Variants in C2CD4B observed in about 807,000 individuals in gnomAD.
C2CD4B encodes C2 calcium-dependent domain-containing protein 4B.
For missense variants in C2CD4B, 644 were observed against 577.7 expected (o/e 1.11, Z -1.18); for synonymous variants, 347 against 284.9 (o/e 1.22, Z -2.20).
Position 62,164,979 on chromosome 15 carries a change from C to T in C2CD4B, c.6G>A (p.Arg2=). 2.0e-6 allele frequency: 3 copies of T among 1,518,628 alleles called. No homozygotes were observed. Among genetic ancestry groups the T allele is most frequent in the South Asian group, 1.2e-5 (1 of 82,090 alleles). 94.1% of individuals were successfully genotyped at this position (1,518,628 alleles called of 1,614,324 possible). A position where few individuals can be genotyped will look rare whatever the true frequency, so the allele number is the denominator to read the frequency against. Residue 2 remains arginine, a synonymous_variant, in exon 2 of 2, where the codon CGG becomes CGA. Coordinates refer to ENST00000380392, the MANE Select transcript of C2CD4B (RefSeq NM_001007595.3). ...CCGAGGAACAGAGTTTCTCGAGGAG[C>T]CGCATCCTTGGAGGCTGGGGCTAGG... The part of the protein sequence containing the change: M[R]LLEKLCSSAA...
At position 62,163,985 on chromosome 15, in the gene C2CD4B, C is replaced by A; in HGVS notation, c.1000G>T (p.Val334Phe). The change falls in exon 2 of 2, where the codon GTT becomes TTT. Residue 334 changes from valine to phenylalanine, a missense_variant. By Grantham distance (50) the Val-to-Phe change is conservative (BLOSUM62 -1). Transcript: ENST00000380392. ...LSEDEVRRLA[V>F]RVKARDEGRG... ...CCCTCATCCCGGGCCTTGACGCGAA[C>A]GGCCAGGCGGCGCACCTCGTCTTCC... is the stretch of plus-strand genomic sequence containing the variant. The A allele has an allele frequency of 6.3e-7, 1 of 1,599,130 alleles. No homozygotes were observed. Among genetic ancestry groups the A allele is most frequent in the South Asian group, 1.1e-5 (1 of 88,770 alleles).
At position 62,164,950 on chromosome 15, in the gene C2CD4B, G is replaced by T. The variant is rs941434073; in HGVS notation, c.35C>A (p.Ala12Glu). ...GGCGGGCTTCGGCGCGGAGCTGCCT[G>T]CGGCCGAGGAACAGAGTTTCTCGAG... ...RLLEKLCSSAAGSSAPKPAFA... is the reference protein window; with the variant it reads ...RLLEKLCSSAEGSSAPKPAFA... Residue 12 changes from alanine (A) to glutamate (E), a missense_variant, in exon 2 of 2, where the codon GCA (alanine) becomes GAA (glutamate). Coordinates refer to ENST00000380392, the MANE Select transcript of C2CD4B (RefSeq NM_001007595.3). 8 of 1,529,374 alleles carry T rather than the reference G, an allele frequency of 5.2e-6. 1 individual carries two copies. Among genetic ancestry groups the T allele is most frequent in the Middle Eastern group, 2.3e-4 (1 of 4,356 alleles). The allele number at this position is 1,529,374 out of a possible 1,614,324, so 94.7% of individuals were successfully genotyped here.
rs1159596405 is a variant in C2CD4B at position 62,164,889 on chromosome 15, T to A, written c.96A>T (p.Glu32Asp). The A allele has an allele frequency of 6.5e-7, 1 of 1,527,080 alleles. No individual in the cohort carries two copies. The highest frequency in any genetic ancestry group is 1.2e-5 in the South Asian group (1 of 82,972). The allele number at this position is 1,527,080 out of a possible 1,614,324, so 94.6% of individuals were successfully genotyped here. A position where few individuals can be genotyped will look rare whatever the true frequency, so the allele number is the denominator to read the frequency against. Residue 32 changes from glutamate (E) to aspartate (D), a missense_variant, in exon 2 of 2, where the codon GAA becomes GAT. By Grantham distance (45) the Glu-to-Asp change is conservative (BLOSUM62 2). Coordinates refer to ENST00000380392, the MANE Select transcript of C2CD4B (RefSeq NM_001007595.3). ...CCGGCAGCCGCGGCGGGATGCAGAA[T>A]TCGGGGATGCGATTCGGCGTGAGCA... Reference protein sequence around the residue: ...AKVLTPNRIPEFCIPPRLPAP... With the variant: ...AKVLTPNRIPDFCIPPRLPAP...
chr15:62,164,193 A>C lies in C2CD4B; in HGVS notation c.792T>G (p.Arg264=). 6.8e-7 allele frequency: 1 copy of C among 1,476,964 alleles called. No homozygotes were observed. The highest frequency in any genetic ancestry group is 2.3e-4 in the Middle Eastern group (1 of 4,398). The allele number at this position is 1,476,964 out of a possible 1,614,324, so 91.5% of individuals were successfully genotyped here. A position where few individuals can be genotyped will look rare whatever the true frequency, so the allele number is the denominator to read the frequency against. ...LAAEYCPGTR[R]LRLRLLRAES... Reference sequence around the variant, plus strand: ...CCGCGCGGAGCAGCCGGAGGCGGAGACGCCGGGTTCCCGGACAGTACTCAG... The same window carrying C: ...CCGCGCGGAGCAGCCGGAGGCGGAGCCGCCGGGTTCCCGGACAGTACTCAG... Residue 264 remains arginine (R), a synonymous_variant, in exon 2 of 2, where the codon CGT becomes CGG. Coordinates refer to ENST00000380392, the MANE Select transcript of C2CD4B (RefSeq NM_001007595.3).
At position 62,163,631 on chromosome 15, in the gene C2CD4B, C is replaced by A. The variant is rs1162909156; in HGVS notation, c.*259G>T. ...ATGCAGATGGGTGTACTTCCTTTCT[C>A]TCCCAGTCCCAAGCCAACCCATTTT... On this transcript the variant is annotated 3_prime_UTR_variant, in exon 2 of 2. Coordinates refer to ENST00000380392, the MANE Select transcript of C2CD4B (RefSeq NM_001007595.3). The A allele has an allele frequency of 9.8e-6, 4 of 410,204 alleles. No individual in the cohort carries two copies. Among genetic ancestry groups the A allele is most frequent in the African/African-American group, 8.2e-5 (4 of 48,780 alleles). The allele number at this position is 410,204 out of a possible 1,614,324, so 25.4% of individuals were successfully genotyped here. A position where few individuals can be genotyped will look rare whatever the true frequency, so the allele number is the denominator to read the frequency against.
chr15:62,165,028 C>T lies in C2CD4B; in HGVS notation c.-40-4G>A, dbSNP rs137863701. The T allele has an allele frequency of 3.2e-3, 4,669 of 1,463,684 alleles. 93 individuals carry two copies. In the East Asian group the frequency reaches 0.063, roughly 20 times the overall value. 90.7% of individuals were successfully genotyped at this position (1,463,684 alleles called of 1,614,324 possible). ...GGAGTGGCGGGAAGAGGTGCGCCTG[C>T]GGGGGAGAGAAGCTGCTGAGTTTGG... On this transcript the variant is annotated splice_region_variant and splice_polypyrimidine_tract_variant and intron_variant, in intron 1 of 1. Transcript: ENST00000380392.
At position 62,164,124 on chromosome 15, in the gene C2CD4B, G is replaced by A. The variant is rs769337077; in HGVS notation, c.861C>T (p.Cys287=). Residue 287 remains cysteine, a synonymous_variant, in exon 2 of 2, where the codon TGC becomes TGT. Coordinates refer to ENST00000380392, the MANE Select transcript of C2CD4B (RefSeq NM_001007595.3). The part of the protein sequence containing the change: ...GGAPGPRAVR[C]RLSLVLRPPG... ...GCGGCCGCAGGACGAGGCTGAGGCG[G>A]CAGCGGACGGCGCGGGGCCCGGGGG... The A allele has an allele frequency of 6.8e-7, 1 of 1,472,618 alleles. No homozygotes were observed. The highest frequency in any genetic ancestry group is 2.8e-5 in the East Asian group (1 of 35,752). 91.2% of individuals were successfully genotyped at this position (1,472,618 alleles called of 1,614,324 possible).
Position 62,165,229 on chromosome 15 carries a change from G to A in C2CD4B, c.-75C>T, listed in dbSNP as rs568431032. On this transcript the variant is annotated 5_prime_UTR_variant, in exon 1 of 2. Transcript: ENST00000380392. Reference sequence around the variant, plus strand: ...TTCTTCAGTGTCTCTGGATCTGGTTGCAAGCTCAGTGCCAGTGGCCTCTAG... The same window carrying A: ...TTCTTCAGTGTCTCTGGATCTGGTTACAAGCTCAGTGCCAGTGGCCTCTAG... 157 of 475,768 alleles carry A rather than the reference G, an allele frequency of 3.3e-4. No individual in the cohort carries two copies. The East Asian group carries it at 5.4e-3, about 16-fold the overall frequency. The allele number at this position is 475,768 out of a possible 1,614,324, so 29.5% of individuals were successfully genotyped here.
Position 62,164,522 on chromosome 15 carries a change from C to CG in C2CD4B, c.462dup (p.Ala155ArgfsTer81). 8.7e-7 allele frequency: 1 copy of CG among 1,150,548 alleles called. No homozygotes were observed. The highest frequency in any genetic ancestry group is 4.8e-5 in the Admixed American group (1 of 20,818). 71.3% of individuals were successfully genotyped at this position (1,150,548 alleles called of 1,614,324 possible). On this transcript the variant is annotated frameshift_variant, in exon 2 of 2. Transcript: ENST00000380392. LOFTEE classifies it low-confidence loss of function (END_TRUNC). ...GGCAGGCGGGGACCGCCGGGGGCCG[C>CG]GGGGGTGGCCGGGCCCGGACCTCGC...
Position 62,163,973 on chromosome 15 carries a change from C to A in C2CD4B, c.1012G>T (p.Ala338Ser). The change falls in exon 2 of 2, where the codon GCC (alanine) becomes TCC (serine). Residue 338 changes from alanine to serine, a missense_variant. By Grantham distance (99) the Ala-to-Ser change is moderately conservative (BLOSUM62 1). Transcript: ENST00000380392. Reference sequence around the variant, plus strand: ...TCCCGGCCGCGACCCTCATCCCGGGCCTTGACGCGAACGGCCAGGCGGCGC... The same window carrying A: ...TCCCGGCCGCGACCCTCATCCCGGGACTTGACGCGAACGGCCAGGCGGCGC... ...EVRRLAVRVK[A>S]RDEGRGRDRG... The A allele has an allele frequency of 1.3e-6, 2 of 1,595,706 alleles. No individual in the cohort carries two copies. The highest frequency in any genetic ancestry group is 1.3e-5 in the African/African-American group (1 of 74,688).
Position 62,164,019 on chromosome 15 carries a change from G to T in C2CD4B, c.966C>A (p.Asp322Glu). The change falls in exon 2 of 2, where the codon GAC (aspartate) becomes GAA (glutamate). Residue 322 changes from aspartate (D) to glutamate (E), a missense_variant. Coordinates refer to ENST00000380392, the MANE Select transcript of C2CD4B (RefSeq NM_001007595.3). Reference protein sequence around the residue: ...KASFDQDFCFDGLSEDEVRRL... With the variant: ...KASFDQDFCFEGLSEDEVRRL... ...GGCGCACCTCGTCTTCCGAGAGGCCGTCGAAGCAAAAGTCCTGGTCAAAGG... is the reference window on the plus strand; with the variant it reads ...GGCGCACCTCGTCTTCCGAGAGGCCTTCGAAGCAAAAGTCCTGGTCAAAGG... The T allele has an allele frequency of 6.2e-7, 1 of 1,601,860 alleles. No individual in the cohort carries two copies. The highest frequency in any genetic ancestry group is 1.1e-5 in the South Asian group (1 of 89,164).
Position 62,163,901 on chromosome 15 carries a change from G to A in C2CD4B, c.1084C>T (p.Leu362=). The A allele has an allele frequency of 2.0e-6, 3 of 1,521,132 alleles. No homozygotes were observed. The highest frequency in any genetic ancestry group is 2.6e-6 in the Non-Finnish European group (3 of 1,139,790). 94.2% of individuals were successfully genotyped at this position (1,521,132 alleles called of 1,614,324 possible). Residue 362 remains leucine, a synonymous_variant, in exon 2 of 2, where the codon CTG becomes TTG. Transcript: ENST00000380392. ...GQGELSLGAL[L]LL ...GGAGGGCTGGGCCCTCAGAGCAGCAGGAGGGCGCCCAGGGACAGCTCACCC... is the reference window on the plus strand; with the variant it reads ...GGAGGGCTGGGCCCTCAGAGCAGCAAGAGGGCGCCCAGGGACAGCTCACCC...
Position 62,163,849 on chromosome 15 carries a change from C to G in C2CD4B, c.*41G>C. On this transcript the variant is annotated 3_prime_UTR_variant, in exon 2 of 2. Transcript: ENST00000380392. ...TCTGTACCACGCGGCTGTCAGTGTCCGGAGTCTCCAGGGCAGAGCGCCCCG... is the reference window on the plus strand; with the variant it reads ...TCTGTACCACGCGGCTGTCAGTGTCGGGAGTCTCCAGGGCAGAGCGCCCCG... 1 of 1,422,830 alleles carries G rather than the reference C, an allele frequency of 7.0e-7. No individual in the cohort carries two copies. The highest frequency in any genetic ancestry group is 9.1e-7 in the Non-Finnish European group (1 of 1,095,216). 88.1% of individuals were successfully genotyped at this position (1,422,830 alleles called of 1,614,324 possible).
chr15:62,164,973 G>C lies in C2CD4B; in HGVS notation c.12C>G (p.Leu4=). The C allele has an allele frequency of 6.6e-7, 1 of 1,521,942 alleles. No homozygotes were observed. The highest frequency in any genetic ancestry group is 1.2e-5 in the South Asian group (1 of 82,518). 94.3% of individuals were successfully genotyped at this position (1,521,942 alleles called of 1,614,324 possible). A position where few individuals can be genotyped will look rare whatever the true frequency, so the allele number is the denominator to read the frequency against. Residue 4 remains leucine, a synonymous_variant, in exon 2 of 2, where the codon CTC becomes CTG. Coordinates refer to ENST00000380392, the MANE Select transcript of C2CD4B (RefSeq NM_001007595.3). MRL[L]EKLCSSAAGS... ...CTGCGGCCGAGGAACAGAGTTTCTC[G>C]AGGAGCCGCATCCTTGGAGGCTGGG...
In C2CD4B at chr15:62,164,368, T is replaced by C. The variant is rs773902787; in HGVS notation, c.617A>G (p.Asn206Ser). Residue 206 changes from asparagine to serine, a missense_variant, in exon 2 of 2, where the codon AAC (asparagine) becomes AGC (serine). Asn to Ser is a conservative substitution (Grantham distance 46). Transcript: ENST00000380392. ...LARVRSVSSG[N>S]EDEERRAGSE... ...TCCCGCGCGGCGCTCCTCGTCCTCGTTCCCGCTGGAGACGGAGCGGACGCG... is the reference window on the plus strand; with the variant it reads ...TCCCGCGCGGCGCTCCTCGTCCTCGCTCCCGCTGGAGACGGAGCGGACGCG... 6 of 1,414,970 alleles carry C rather than the reference T, an allele frequency of 4.2e-6. No individual in the cohort carries two copies. In the Middle Eastern group the frequency reaches 1.2e-3, roughly 295 times the overall value. 87.7% of individuals were successfully genotyped at this position (1,414,970 alleles called of 1,614,324 possible).
At position 62,164,798 on chromosome 15, in the gene C2CD4B, C is replaced by T. The variant is rs1230035669; in HGVS notation, c.187G>A (p.Asp63Asn). 4 of 1,473,282 alleles carry T rather than the reference C, an allele frequency of 2.7e-6. No individual in the cohort carries two copies. Among genetic ancestry groups the T allele is most frequent in the Non-Finnish European group, 3.6e-6 (4 of 1,123,356 alleles). The allele number at this position is 1,473,282 out of a possible 1,614,324, so 91.3% of individuals were successfully genotyped here. The change falls in exon 2 of 2, where the codon GAC becomes AAC. Residue 63 changes from aspartate to asparagine, a missense_variant. Transcript: ENST00000380392. ...AVPRRCAAES[D>N]LWPRAADEDA... ...TCGTCTGCCGCGCGGGGCCACAGGT[C>T]GCTTTCAGCGGCGCAGCGCCGGGGC...
At position 62,164,954 on chromosome 15, in the gene C2CD4B, C is replaced by T. The variant is rs2049601110; in HGVS notation, c.31G>A (p.Ala11Thr). The T allele has an allele frequency of 1.3e-6, 2 of 1,528,260 alleles. No homozygotes were observed. The highest frequency in any genetic ancestry group is 1.8e-6 in the Non-Finnish European group (2 of 1,139,432). 94.7% of individuals were successfully genotyped at this position (1,528,260 alleles called of 1,614,324 possible). A position where few individuals can be genotyped will look rare whatever the true frequency, so the allele number is the denominator to read the frequency against. Reference sequence around the variant, plus strand: ...GGCTTCGGCGCGGAGCTGCCTGCGGCCGAGGAACAGAGTTTCTCGAGGAGC... The same window carrying T: ...GGCTTCGGCGCGGAGCTGCCTGCGGTCGAGGAACAGAGTTTCTCGAGGAGC... Reference protein sequence around the residue: MRLLEKLCSSAAGSSAPKPAF... With the variant: MRLLEKLCSSTAGSSAPKPAF... Residue 11 changes from alanine to threonine, a missense_variant, in exon 2 of 2, where the codon GCC becomes ACC. Coordinates refer to ENST00000380392, the MANE Select transcript of C2CD4B (RefSeq NM_001007595.3).
chr15:62,163,687 G>A lies in C2CD4B; in HGVS notation c.*203C>T. 1 of 716,838 alleles carries A rather than the reference G, an allele frequency of 1.4e-6. No homozygotes were observed. The highest frequency in any genetic ancestry group is 1.9e-6 in the Non-Finnish European group (1 of 515,782). 44.4% of individuals were successfully genotyped at this position (716,838 alleles called of 1,614,324 possible). Reference sequence around the variant, plus strand: ...GGAATGCAAAAATGGTCTGGAAAGAGATATGGGGGTCCTGTGAACAGAACA... The same window carrying A: ...GGAATGCAAAAATGGTCTGGAAAGAAATATGGGGGTCCTGTGAACAGAACA... On this transcript the variant is annotated 3_prime_UTR_variant, in exon 2 of 2. Transcript: ENST00000380392.
At position 62,164,092 on chromosome 15, in the gene C2CD4B, G is replaced by A. The variant is rs373533878; in HGVS notation, c.893C>T (p.Thr298Ile). 4.2e-4 allele frequency: 641 copies of A among 1,530,510 alleles called. 7 individuals are homozygous for A. In the East Asian group the frequency reaches 0.015, roughly 35 times the overall value. 94.8% of individuals were successfully genotyped at this position (1,530,510 alleles called of 1,614,324 possible). The change falls in exon 2 of 2, where the codon ACT becomes ATT. Residue 298 changes from threonine (T) to isoleucine (I), a missense_variant. Transcript: ENST00000380392. ...RLSLVLRPPG[T>I]ARWQCSAVVG... ...CACAGCGCTGCATTGCCAACGCGCA[G>A]TGCCCGGCGGCCGCAGGACGAGGCT... is the stretch of plus-strand genomic sequence containing the variant.
Sources: allele counts gnomAD v4.1 joint callset, GRCh38; gene constraint gnomAD v4.1.1; transcripts MANE v1.5; gene names NCBI Gene and HGNC (gene_info 2026-07-23, HGNC 2026-07-21).